SH3KBP1: variants seen among roughly 807,000 people sequenced by gnomAD.
SH3KBP1 encodes SH3 domain-containing kinase-binding protein 1.
In SH3KBP1, 8 loss-of-function variants were observed where a neutral mutation model predicts 50.1. That is an observed-to-expected ratio of 0.16 (90% CI 0.09 to 0.29). The LOEUF is 0.29. Ranked by LOEUF, SH3KBP1 falls within the 10% of genes least tolerant of loss-of-function variation. The pLI is 1.00. For synonymous variants in SH3KBP1, 227 were observed against 218.6 expected (o/e 1.04, Z -0.34); for missense variants, 377 against 535.2 (o/e 0.70, Z 2.92).
chrX:19,719,457 A>G (rs887973089), intron 3 of SH3KBP1, among the ~76,000 whole-genome samples: 8 of 111,750 alleles, frequency 7.2e-5, no homozygotes, highest in Middle Eastern at 4.2e-3. Context: ...GTAATAGTCA[A>G]AGGGGCCATC....
intron 9 of SH3KBP1, among the ~76,000 whole-genome samples, chrX:19,607,095 G>A (rs985998834): frequency 8.9e-6 from 1 of 112,360 alleles, no homozygotes; most frequent in African/African-American, 3.2e-5. Context: ...CCTTGGCAAC[G>A]AAGCCACCAG....
Position 19,534,404 on chromosome X carries a change from C to T in SH3KBP1, c.*2013G>A, listed in dbSNP as rs771782128. ...CAGTGTTCCATGAGGGTGTTCCAAC[C>T]GCTCAATTTCATCAACAATCCTACT... On this transcript the variant is annotated 3_prime_UTR_variant, in exon 18 of 18. Transcript: ENST00000397821. 1.2e-3 allele frequency: 139 copies of T among 111,454 alleles called. No homozygotes were observed. Among genetic ancestry groups the T allele is most frequent in the Non-Finnish European group, 2.1e-3 (114 of 53,390 alleles). The allele number at this position is 111,454 out of a possible 1,213,427, so 9.2% of individuals were successfully genotyped here.
chrX:19,843,992 T>C (rs1481433617), intron 1 of SH3KBP1, among the ~76,000 whole-genome samples: 2 of 111,154 alleles, frequency 1.8e-5, no homozygotes, highest in African/African-American at 6.6e-5. Context: ...CCAGCAGGCC[T>C]GGGAGCAAAT....
At chrX:19,710,888 CG>C (rs1403028226) in intron 3 of SH3KBP1, among the ~76,000 whole-genome samples, 2 of 111,146 alleles carry the variant, frequency 1.8e-5, no homozygotes, top group Non-Finnish European at 3.8e-5. Context: ...CTAGACCCCA[CG>C]GCCCCCTTCC....
At chrX:19,650,823 G>A (rs2062105579) in intron 6 of SH3KBP1, among the ~76,000 whole-genome samples, 1 of 111,598 alleles carries the variant, frequency 9.0e-6, no homozygotes, top group Non-Finnish European at 1.9e-5. Flanking sequence ...AACTGCAGTT[G>A]TGGGGTTGGT....
At chrX:19,591,849 G>T (rs2066758357) in intron 11 of SH3KBP1, among the ~76,000 whole-genome samples, 2 of 112,131 alleles carry the variant, frequency 1.8e-5, no homozygotes, top group South Asian at 7.4e-4. Context: ...GACTAGACTG[G>T]TTATTTTTCA....
At position 19,536,336 on chromosome X, in the gene SH3KBP1, G is replaced by T; in HGVS notation, c.*81C>A. The T allele has an allele frequency of 1.6e-6, 1 of 631,218 alleles. No individual in the cohort carries two copies. Among genetic ancestry groups the T allele is most frequent in the Non-Finnish European group, 2.5e-6 (1 of 401,172 alleles). The allele number at this position is 631,218 out of a possible 1,213,427, so 52.0% of individuals were successfully genotyped here. On this transcript the variant is annotated 3_prime_UTR_variant, in exon 18 of 18. Coordinates refer to ENST00000397821, the MANE Select transcript of SH3KBP1 (RefSeq NM_031892.3). Reference sequence around the variant, plus strand: ...TTTGAGGCAAACCTTTAATCTTTTGGCACAAGATTATTTTGGCTGGGGCAG... The same window carrying T: ...TTTGAGGCAAACCTTTAATCTTTTGTCACAAGATTATTTTGGCTGGGGCAG...
At chrX:19,850,132 T>C (rs2068466046) in intron 1 of SH3KBP1, among the ~76,000 whole-genome samples, 1 of 112,070 alleles carries the variant, frequency 8.9e-6, no homozygotes, top group South Asian at 3.7e-4. Flanking sequence ...GTGTATTGTA[T>C]ACATATGTAT....
chrX:19,634,110 A>AAG (rs1402082186), intron 7 of SH3KBP1, among the ~76,000 whole-genome samples: 1 of 38,435 alleles, frequency 2.6e-5, no homozygotes, highest in African/African-American at 9.8e-5. Flanking sequence ...GAGGGAAAGA[A>AAG]AGAGAGAGAG....
At chrX:19,824,871 A>T (rs189028515) in intron 2 of SH3KBP1, among the ~76,000 whole-genome samples, 15 of 112,154 alleles carry the variant, frequency 1.3e-4, no homozygotes, top group Admixed American at 1.9e-4. Context: ...GTGGGTTCTT[A>T]TTGGTAACAC....
chrX:19,760,041 C>CCTCTCCCTCTCTCTCTCTCTCTCT (rs1556346157), intron 2 of SH3KBP1, among the ~76,000 whole-genome samples: 2 of 50,448 alleles, frequency 4.0e-5, no homozygotes, highest in East Asian at 5.3e-4. Flanking sequence ...TCTCTCTCTC[C>CCTCTCCCTCTCTCTCTCTCTCTCT]CTCTCTCTCT....
chrX:19,882,209 G>A lies in SH3KBP1; in HGVS notation c.4+5098C>T, dbSNP rs747676431. 2.0e-3 allele frequency among the ~76,000 whole-genome samples: 222 copies of A among 111,691 alleles called. 1 individual carries two copies. Among genetic ancestry groups the A allele is most frequent in the Admixed American group, 4.0e-3 (42 of 10,517 alleles). ...AGTTATCCAAGAGAAACCAGGAAAC[G>A]TCAGGTCCACCACAGGGCAGTGTAG... On this transcript the variant is annotated intron_variant, in intron 1 of 17. Coordinates refer to ENST00000397821, the MANE Select transcript of SH3KBP1 (RefSeq NM_031892.3).
chrX:19,608,247 C>G (rs1197317369), intron 8 of SH3KBP1, among the ~76,000 whole-genome samples: 3 of 111,325 alleles, frequency 2.7e-5, no homozygotes, highest in African/African-American at 9.8e-5. Context: ...GTACTCAAAA[C>G]CCAGTGCTGC....
chrX:19,836,400 A>C, intron 1 of SH3KBP1, 118 bp from the exon 2 acceptor site: 1 of 657,677 alleles, frequency 1.5e-6, no homozygotes, highest in Non-Finnish European at 2.3e-6. Context: ...ACAAATATTC[A>C]AAATAACAGG....
intron 8 of SH3KBP1, among the ~76,000 whole-genome samples, chrX:19,629,924 T>G (rs2061539465): frequency 8.9e-6 from 1 of 112,633 alleles, no homozygotes; most frequent in Non-Finnish European, 1.9e-5. Context: ...TTCATTTATC[T>G]GTACCATGTG....
At chrX:19,707,683 C>G (rs985495205) in intron 3 of SH3KBP1, among the ~76,000 whole-genome samples, 4 of 112,257 alleles carry the variant, frequency 3.6e-5, no homozygotes, top group African/African-American at 1.3e-4. Flanking sequence ...AGAGGACACT[C>G]AGGGTTACAA....
At chrX:19,692,455 T>C (rs1208101111) in intron 5 of SH3KBP1, among the ~76,000 whole-genome samples, 1 of 110,322 alleles carries the variant, frequency 9.1e-6, no homozygotes, top group Admixed American at 9.7e-5. Flanking sequence ...CCAATGTTTC[T>C]TCTATCATAT....
chrX:19,843,144 G>A (rs765301923), intron 1 of SH3KBP1, among the ~76,000 whole-genome samples: 31 of 102,038 alleles, frequency 3.0e-4, no homozygotes, highest in South Asian at 9.5e-4. Context: ...TCAGCCTCCC[G>A]AGTAGCTGGG....
At chrX:19,611,346 T>G (rs1267708569) in intron 8 of SH3KBP1, among the ~76,000 whole-genome samples, 1 of 110,957 alleles carries the variant, frequency 9.0e-6, no homozygotes, top group Non-Finnish European at 1.9e-5. Flanking sequence ...GGTTTTTTTG[T>G]TTGTTTTTGT....
Sources: gnomAD v4.1 joint callset for allele counts (sites outside exome capture counted in the v4.1 genomes callset) on GRCh38, gnomAD v4.1.1 for gene constraint, MANE v1.5 for transcripts, NCBI Gene and HGNC (gene_info 2026-07-23, HGNC 2026-07-21) for gene names.